SLC12A8: variants seen among roughly 807,000 people sequenced by gnomAD.
SLC12A8 encodes solute carrier family 12 member 8, also known as cation-chloride cotransporter 9.
Under a neutral mutation model 75.6 loss-of-function variants are expected in SLC12A8, and 69 were observed. That is an observed-to-expected ratio of 0.91 (90% confidence interval 0.75 to 1.11). SLC12A8 has a LOEUF of 1.11. Ranked by LOEUF, SLC12A8 falls within the 50% of genes most tolerant of loss-of-function variation. The pLI, the probability that SLC12A8 is intolerant of heterozygous loss-of-function variation, is 0.00. For synonymous variants in SLC12A8, 365 were observed against 372.8 expected, an observed-to-expected ratio of 0.98 and a Z score of 0.24; for missense variants, 877 against 896.7, an observed-to-expected ratio of 0.98 and a Z score of 0.28.
chr3:125,114,107 C>T (rs562377164), intron 8 of SLC12A8, among the ~76,000 whole-genome samples: 31 of 152,326 alleles, frequency 2.0e-4, no homozygotes, highest in African/African-American at 6.5e-4. Context: ...CTCCACGCTC[C>T]ATGAATTGAT....
chr3:125,104,896 A>C (rs1337988594), intron 10 of SLC12A8, among the ~76,000 whole-genome samples: 2 of 152,228 alleles, frequency 1.3e-5, no homozygotes, highest in Non-Finnish European at 2.9e-5. Context: ...GTTGGATCAC[A>C]GAACAATATA....
rs1225344712 is a variant in SLC12A8 at position 125,135,779 on chromosome 3, T to C, written c.626A>G (p.His209Arg). ...VGSFTHLDPE[H>R]GFIGYSPELL... ...TTCGGGTGAATATCCAATGAAACCA[T>C]GTTCTGAAATAAAGCAATGGAGAGC... Residue 209 changes from histidine to arginine, a missense_variant, in exon 6 of 14, where the codon CAT becomes CGT. His to Arg is a conservative substitution (Grantham distance 29). Coordinates refer to ENST00000469902, the MANE Select transcript of SLC12A8 (RefSeq NM_024628.6). 2 of 1,595,402 alleles carry C rather than the reference T, an allele frequency of 1.3e-6. No homozygotes were observed. Among genetic ancestry groups the C allele is most frequent in the Non-Finnish European group, 1.7e-6 (2 of 1,169,186 alleles).
intron 6 of SLC12A8, among the ~76,000 whole-genome samples, chr3:125,127,342 TC>T (rs1264461130): frequency 6.6e-6 from 1 of 152,190 alleles, no homozygotes; most frequent in Non-Finnish European, 1.5e-5. Flanking sequence ...ACTTTCCAAC[TC>T]CAGGACCCAG....
chr3:125,083,873 A>C lies in SLC12A8; in HGVS notation c.*17T>G, dbSNP rs1200202375. 6.2e-7 allele frequency: 1 copy of C among 1,607,042 alleles called. No homozygotes were observed. The highest frequency in any genetic ancestry group is 1.7e-5 in the Admixed American group (1 of 59,338). On this transcript the variant is annotated 3_prime_UTR_variant, in exon 14 of 14. Transcript: ENST00000469902. ...TACATGGGACAGCTCCAAAAGAGGA[A>C]GGTCCCAGCACTGCATCTAGTAGTG... is the stretch of plus-strand genomic sequence containing the variant.
chr3:125,168,643 G>T (rs1032408807), intron 5 of SLC12A8, among the ~76,000 whole-genome samples: 1 of 152,196 alleles, frequency 6.6e-6, no homozygotes, highest in African/African-American at 2.4e-5. Context: ...AGTAGGAAGA[G>T]ACCATTTCAA....
chr3:125,180,136 G>A (rs1934624831), intron 4 of SLC12A8, among the ~76,000 whole-genome samples: 1 of 150,038 alleles, frequency 6.7e-6, no homozygotes, highest in Admixed American at 6.6e-5. Context: ...CTTCTGGTTT[G>A]TATCTAAAAT....
chr3:125,090,385 A>G (rs1938555472), intron 12 of SLC12A8, among the ~76,000 whole-genome samples: 1 of 152,218 alleles, frequency 6.6e-6, no homozygotes, highest in African/African-American at 2.4e-5. Context: ...TGAAAAGAAC[A>G]TATATTCTGC....
chr3:125,202,801 T>G (rs1935150951), intron 2 of SLC12A8, among the ~76,000 whole-genome samples: 1 of 152,018 alleles, frequency 6.6e-6, no homozygotes, highest in South Asian at 2.1e-4. Context: ...GAATTATTAA[T>G]GAGAAGCCGG....
At chr3:125,100,146 C>T (rs1017051131) in intron 10 of SLC12A8, among the ~76,000 whole-genome samples, 14 of 152,014 alleles carry the variant, frequency 9.2e-5, no homozygotes, top group Non-Finnish European at 1.2e-4. Flanking sequence ...TCTCAGAGGC[C>T]TAATGGGATA....
At chr3:125,099,819 T>TA in intron 10 of SLC12A8, among the ~76,000 whole-genome samples, 1 of 152,040 alleles carries the variant, frequency 6.6e-6, no homozygotes, top group Admixed American at 6.6e-5. Context: ...TCCCAGCTAC[T>TA]CAGGAGGCTG....
intron 5 of SLC12A8, among the ~76,000 whole-genome samples, chr3:125,145,891 G>C (rs932748461): frequency 6.6e-6 from 1 of 152,138 alleles, no homozygotes; most frequent in Non-Finnish European, 1.5e-5. Context: ...GCAGTGGCAC[G>C]ATCACGGCTC....
chr3:125,096,743 A>G (rs1158256679), intron 10 of SLC12A8, among the ~76,000 whole-genome samples: 1 of 152,254 alleles, frequency 6.6e-6, no homozygotes, highest in Non-Finnish European at 1.5e-5. Flanking sequence ...ATTGATCTGA[A>G]TGGATGGCTC....
chr3:125,121,878 G>A (rs753038298), intron 6 of SLC12A8, among the ~76,000 whole-genome samples: 2 of 152,170 alleles, frequency 1.3e-5, no homozygotes, highest in Admixed American at 6.5e-5. Flanking sequence ...GCTGGCCCGC[G>A]GATGGGGTGC....
intron 2 of SLC12A8, among the ~76,000 whole-genome samples, chr3:125,193,768 G>A (rs977501431): frequency 6.6e-6 from 1 of 152,178 alleles, no homozygotes; most frequent in Non-Finnish European, 1.5e-5. Flanking sequence ...CAAAGTCCAC[G>A]CTAAGATTCT....
intron 6 of SLC12A8, chr3:125,125,869 T>C: frequency 1.1e-6 from 1 of 923,250 alleles, no homozygotes. Flanking sequence ...AATGTGGGGT[T>C]ACATACCCAC....
chr3:125,114,487 C>T (rs142107023), intron 8 of SLC12A8, among the ~76,000 whole-genome samples: 3 of 152,306 alleles, frequency 2.0e-5, no homozygotes, highest in African/African-American at 4.8e-5. Flanking sequence ...TGCAGTGGCA[C>T]GATCTTGGCT....
At chr3:125,132,970 T>A (rs1373888991) in intron 6 of SLC12A8, among the ~76,000 whole-genome samples, 1 of 151,634 alleles carries the variant, frequency 6.6e-6, no homozygotes, top group Non-Finnish European at 1.5e-5. Context: ...TTGCTGAGAG[T>A]TAAATAAAGT....
rs192338392 is a variant in SLC12A8 at position 125,191,588 on chromosome 3, C to T, written c.52-1067G>A. On this transcript the variant is annotated intron_variant, in intron 2 of 13. Coordinates refer to ENST00000469902, the MANE Select transcript of SLC12A8 (RefSeq NM_024628.6). ...GTTATCCATAAACACAATAAAAAGGCAGAAAAATCAAGAGTTTAGGGAAAA... is the reference window on the plus strand; with the variant it reads ...GTTATCCATAAACACAATAAAAAGGTAGAAAAATCAAGAGTTTAGGGAAAA... Among the ~76,000 whole-genome samples the T allele has an allele frequency of 2.6e-5, 4 of 152,282 alleles. No individual in the cohort carries two copies. In the East Asian group the frequency reaches 7.7e-4, roughly 29 times the overall value.
chr3:125,180,909 A>G (rs144920174), intron 4 of SLC12A8, among the ~76,000 whole-genome samples: 3 of 152,312 alleles, frequency 2.0e-5, no homozygotes, highest in Admixed American at 6.5e-5. Context: ...GTCTTCTCAC[A>G]ATGAGTCTGG....
Sources: gnomAD v4.1 joint callset for allele counts (sites outside exome capture counted in the v4.1 genomes callset) on GRCh38, gnomAD v4.1.1 for gene constraint, MANE v1.5 for transcripts, NCBI Gene and HGNC (gene_info 2026-07-23, HGNC 2026-07-21) for gene names.